CCDC91: variants seen among roughly 807,000 people sequenced by gnomAD.
CCDC91 encodes the protein coiled-coil domain containing 91, also known as coiled-coil domain-containing protein 91.
CCDC91 carries 48 observed loss-of-function variants against 63.2 expected under a neutral mutation model. That is an observed-to-expected ratio of 0.76 (90% confidence interval 0.60 to 0.97). The LOEUF (loss-of-function observed/expected upper bound fraction) is 0.97, where lower values mean the gene tolerates loss of function less well. Ranked by LOEUF, CCDC91 falls within the 50% of genes least tolerant of loss-of-function variation. CCDC91 has a pLI of 0.00. For missense variants in CCDC91, 500 were observed against 494.6 expected (o/e 1.01, Z -0.10); for synonymous variants, 167 against 165.8 (o/e 1.01, Z -0.06).
At chr12:28,505,769 G>A (rs1433278162) in intron 12 of CCDC91, among the ~76,000 whole-genome samples, 6 of 151,934 alleles carry the variant, frequency 3.9e-5, no homozygotes, top group Non-Finnish European at 8.8e-5. Context: ...GATCTCAGGT[G>A]AGCCTATAGA....
At chr12:28,246,095 A>G (rs1351381569) in intron 1 of CCDC91, among the ~76,000 whole-genome samples, 3 of 152,212 alleles carry the variant, frequency 2.0e-5, no homozygotes, top group Non-Finnish European at 4.4e-5. Context: ...AGCCATAATA[A>G]TATTAGCAAC....
chr12:28,402,124 G>A (rs1946659774), intron 8 of CCDC91, among the ~76,000 whole-genome samples: 3 of 151,962 alleles, frequency 2.0e-5, no homozygotes, highest in African/African-American at 7.3e-5. Context: ...TGTGTTGTGG[G>A]GGATTCCCCT....
chr12:28,288,799 A>G (rs1471023472), intron 3 of CCDC91, among the ~76,000 whole-genome samples: 1 of 152,106 alleles, frequency 6.6e-6, no homozygotes, highest in Non-Finnish European at 1.5e-5. Context: ...TCAGATGTGG[A>G]TATGTCTAGT....
intron 1 of CCDC91, among the ~76,000 whole-genome samples, chr12:28,251,707 C>T (rs1244069347): frequency 1.3e-5 from 2 of 151,974 alleles, no homozygotes; most frequent in South Asian, 4.1e-4. Context: ...CTGAAGTTTC[C>T]CCTAATTGTT....
At chr12:28,467,042 C>T (rs192408618) in intron 11 of CCDC91, among the ~76,000 whole-genome samples, 65 of 151,888 alleles carry the variant, frequency 4.3e-4, no homozygotes, top group Admixed American at 5.2e-4. Context: ...CTTAAAATAA[C>T]GGGTACTAAG....
chr12:28,295,821 C>T (rs1374955611), intron 3 of CCDC91, among the ~76,000 whole-genome samples: 6 of 151,812 alleles, frequency 4.0e-5, no homozygotes, highest in Admixed American at 2.6e-4. Flanking sequence ...ATGATGTGTT[C>T]GAAATGTATC....
At chr12:28,291,470 A>G (rs529075697) in intron 3 of CCDC91, among the ~76,000 whole-genome samples, 46 of 152,184 alleles carry the variant, frequency 3.0e-4, no homozygotes, top group Non-Finnish European at 6.3e-4. Flanking sequence ...TTTGCCAAGC[A>G]TACTTCTCAG....
At position 28,342,438 on chromosome 12, in the gene CCDC91, G is replaced by A. The variant is rs186682466; in HGVS notation, c.577-20000G>A. Among the ~76,000 whole-genome samples, 692 of 152,276 alleles carry A rather than the reference G, an allele frequency of 4.5e-3. 6 individuals are homozygous for A. The highest frequency in any genetic ancestry group is 0.016 in the African/African-American group (651 of 41,556). ...GTGGCCAGTTGTGGCATAGTGGTGG[G>A]GATGAAAGTCTGTTGGAGTGGATTT... On this transcript the variant is annotated intron_variant, in intron 6 of 12. Coordinates refer to ENST00000536442, the MANE Select transcript of CCDC91 (RefSeq NM_018318.5).
At chr12:28,533,541 T>G (rs1331698838) in intron 12 of CCDC91, among the ~76,000 whole-genome samples, 1 of 152,118 alleles carries the variant, frequency 6.6e-6, no homozygotes, top group Non-Finnish European at 1.5e-5. Flanking sequence ...TTATTATTGG[T>G]AACTATAGTT....
chr12:28,308,008 G>C (rs1221921281), intron 6 of CCDC91, among the ~76,000 whole-genome samples: 1 of 151,880 alleles, frequency 6.6e-6, no homozygotes, highest in Admixed American at 6.6e-5. Context: ...GATACATTTT[G>C]GGAACTGTTT....
At chr12:28,548,315 G>C (rs1213982672) in intron 12 of CCDC91, among the ~76,000 whole-genome samples, 1 of 152,028 alleles carries the variant, frequency 6.6e-6, no homozygotes, top group African/African-American at 2.4e-5. Flanking sequence ...TGTCACCCAG[G>C]CTGGAGTGCA....
chr12:28,534,792 T>C (rs1260007032), intron 12 of CCDC91, among the ~76,000 whole-genome samples: 1 of 152,194 alleles, frequency 6.6e-6, no homozygotes, highest in East Asian at 1.9e-4. Flanking sequence ...TGCAGAGGAC[T>C]TTTAAGTCTG....
At chr12:28,506,456 A>C (rs150199887) in intron 12 of CCDC91, among the ~76,000 whole-genome samples, 1,681 of 152,104 alleles carry the variant, frequency 0.011, 12 homozygotes, top group Middle Eastern at 0.02. Context: ...TGCTAGTGAA[A>C]GGCAGGATTC....
intron 12 of CCDC91, among the ~76,000 whole-genome samples, chr12:28,547,893 A>T (rs1249812216): frequency 6.6e-6 from 1 of 152,074 alleles, no homozygotes; most frequent in African/African-American, 2.4e-5. Context: ...TTTGTGGGGG[A>T]TGCAGGGGCT....
chr12:28,518,595 T>C (rs182743753), intron 12 of CCDC91, among the ~76,000 whole-genome samples: 156 of 152,286 alleles, frequency 1.0e-3, no homozygotes, highest in African/African-American at 3.4e-3. Context: ...TCTCCCACTC[T>C]GTGGGTTGTC....
chr12:28,247,997 A>T lies in CCDC91; in HGVS notation c.-14-9205A>T, dbSNP rs563392015. Among the ~76,000 whole-genome samples, 47 of 152,148 alleles carry T rather than the reference A, an allele frequency of 3.1e-4. 1 individual carries two copies. The South Asian group carries it at 9.6e-3, about 31-fold the overall frequency. On this transcript the variant is annotated intron_variant, in intron 1 of 12. Coordinates refer to ENST00000536442, the MANE Select transcript of CCDC91 (RefSeq NM_018318.5). ...AGGTGGTAATGCTTACTTGCTGGCCACTCACCTCCTGCTGTGCAGCCTGGT... is the reference window on the plus strand; with the variant it reads ...AGGTGGTAATGCTTACTTGCTGGCCTCTCACCTCCTGCTGTGCAGCCTGGT...
intron 8 of CCDC91, among the ~76,000 whole-genome samples, chr12:28,397,860 A>G (rs2139428639): frequency 6.6e-6 from 1 of 152,260 alleles, no homozygotes; most frequent in South Asian, 2.1e-4. Context: ...TTAAAAAAGA[A>G]AACCAAGCCT....
At chr12:28,523,167 A>T (rs1940901258) in intron 12 of CCDC91, among the ~76,000 whole-genome samples, 1 of 152,186 alleles carries the variant, frequency 6.6e-6, no homozygotes. Context: ...TAATGTTGAC[A>T]GTGGGATGTT....
chr12:28,332,121 TA>T (rs1431971747), intron 6 of CCDC91, among the ~76,000 whole-genome samples: 1 of 152,202 alleles, frequency 6.6e-6, no homozygotes, highest in Non-Finnish European at 1.5e-5. Flanking sequence ...TCTAAGTGTC[TA>T]TACTTACTAG....
Sources: gnomAD v4.1 joint callset for allele counts (sites outside exome capture counted in the v4.1 genomes callset) on GRCh38, gnomAD v4.1.1 for gene constraint, MANE v1.5 for transcripts, NCBI Gene and HGNC (gene_info 2026-07-23, HGNC 2026-07-21) for gene names.